The following ROBO2 variants were observed in gnomAD, a reference collection of about 807,000 sequenced individuals.
ROBO2 encodes the protein roundabout guidance receptor 2.
In ROBO2, 53 loss-of-function variants were observed where a neutral mutation model predicts 160.8. The ratio of observed to expected loss-of-function variants is 0.33; its 90% CI spans 0.26 to 0.41. ROBO2 has a LOEUF of 0.41. Ranked by LOEUF, ROBO2 falls within the 10% of genes least tolerant of loss-of-function variation. The probability of loss-of-function intolerance (pLI) is 1.00; values close to 1 mark genes in which losing one functional copy is unlikely to be tolerated. For missense variants in ROBO2, 1,577 were observed against 1,722.4 expected (o/e 0.92, Z 1.49); for synonymous variants, 664 against 611.7 (o/e 1.09, Z -1.26).
intron 1 of ROBO2, among the ~76,000 whole-genome samples, chr3:77,096,446 C>CTTTTTCTTTTT: frequency 6.8e-6 from 1 of 147,770 alleles, no homozygotes; most frequent in Non-Finnish European, 1.5e-5. Flanking sequence ...CTTTTCTTTT[C>CTTTTTCTTTTT]TTTTTCTTTT....
At chr3:76,877,634 T>C (rs910356316) in intron 2 of ROBO2, among the ~76,000 whole-genome samples, 14 of 152,226 alleles carry the variant, frequency 9.2e-5, no homozygotes, top group African/African-American at 3.4e-4. Context: ...AGATAGTCTA[T>C]ACATATAACC....
chr3:76,273,040 T>C (rs1707670326), intron 2 of ROBO2, among the ~76,000 whole-genome samples: 1 of 100,456 alleles, frequency 1.0e-5, no homozygotes, highest in East Asian at 2.6e-4. Flanking sequence ...ATTTATAAAA[T>C]ATATATTATA....
chr3:76,306,732 C>T (rs1670043820), intron 2 of ROBO2, among the ~76,000 whole-genome samples: 1 of 152,072 alleles, frequency 6.6e-6, no homozygotes, highest in African/African-American at 2.4e-5. Flanking sequence ...TCTTAAAATA[C>T]CTAGCATTTT....
At position 77,200,076 on chromosome 3, in the gene ROBO2, A is replaced by T. The variant is rs201027810; in HGVS notation, c.388+101736A>T. Among the ~76,000 whole-genome samples the T allele has an allele frequency of 1.7e-4, 26 of 150,838 alleles. No individual in the cohort carries two copies. In the East Asian group the frequency reaches 2.8e-3, roughly 16 times the overall value. ...AAATTTAAAAATTATACACTTTTAG[A>T]TGTATAAGTATGTATAAAAACGACA... On this transcript the variant is annotated intron_variant, in intron 2 of 25. Transcript: ENST00000461745.
chr3:77,180,412 C>CTATA (rs1389265662), intron 2 of ROBO2, among the ~76,000 whole-genome samples: 78 of 93,782 alleles, frequency 8.3e-4, no homozygotes, highest in African/African-American at 2.6e-3. Context: ...CTCTCTCTCT[C>CTATA]TCTCTATATA....
intron 2 of ROBO2, among the ~76,000 whole-genome samples, chr3:77,015,490 A>G (rs1002499582): frequency 6.6e-6 from 1 of 152,202 alleles, no homozygotes; most frequent in Non-Finnish European, 1.5e-5. Context: ...TATTTAACCT[A>G]TAACCATCCA....
intron 2 of ROBO2, among the ~76,000 whole-genome samples, chr3:77,117,113 C>A (rs2150231023): frequency 6.6e-6 from 1 of 152,308 alleles, no homozygotes; most frequent in African/African-American, 2.4e-5. Flanking sequence ...GGAATAAGAA[C>A]TGACTTGCAC....
intron 2 of ROBO2, among the ~76,000 whole-genome samples, chr3:76,257,038 C>A (rs1417385983): frequency 4.0e-5 from 6 of 151,892 alleles, no homozygotes; most frequent in Non-Finnish European, 8.8e-5. Context: ...CGACCCAAGC[C>A]CCTCGGCCCA....
At chr3:76,174,206 G>C (rs1209499643) in intron 2 of ROBO2, among the ~76,000 whole-genome samples, 1 of 151,964 alleles carries the variant, frequency 6.6e-6, no homozygotes, top group East Asian at 1.9e-4. Flanking sequence ...TTTTTGATGG[G>C]GTTGTTTGCT....
rs563715700 is a variant in ROBO2 at position 76,407,353 on chromosome 3, T to C, written c.109+469751T>C. Among the ~76,000 whole-genome samples the C allele has an allele frequency of 5.9e-5, 9 of 152,138 alleles. No homozygotes were observed. The South Asian group carries it at 1.9e-3, about 31-fold the overall frequency. On this transcript the variant is annotated intron_variant, in intron 2 of 26. Transcript: ENST00000487694. ...TACATATTGTTTAGGTGTTTGTTTT[T>C]AAAATATACCTTTTATTTGCTCATT...
At chr3:77,602,987 G>A (rs1415619478) in intron 20 of ROBO2, 6 of 456,564 alleles carry the variant, frequency 1.3e-5, no homozygotes, top group Non-Finnish European at 2.6e-5. Context: ...CTAATAGAAT[G>A]CCACACAACC....
At chr3:77,371,183 G>A (rs2071698785) in intron 2 of ROBO2, among the ~76,000 whole-genome samples, 1 of 152,154 alleles carries the variant, frequency 6.6e-6, no homozygotes, top group Non-Finnish European at 1.5e-5. Context: ...CAGGGATCAA[G>A]GTTGGTGATT....
chr3:76,387,846 C>T (rs1236271117), intron 2 of ROBO2, among the ~76,000 whole-genome samples: 3 of 152,030 alleles, frequency 2.0e-5, no homozygotes, highest in African/African-American at 7.3e-5. Flanking sequence ...AAAAATATAG[C>T]CAAATCTTTA....
intron 2 of ROBO2, among the ~76,000 whole-genome samples, chr3:76,427,744 C>T (rs572787736): frequency 1.6e-4 from 25 of 152,190 alleles, no homozygotes; most frequent in Admixed American, 5.9e-4. Context: ...TTAATGATTA[C>T]GGTTATATTT....
intron 1 of ROBO2, among the ~76,000 whole-genome samples, chr3:77,077,346 G>A (rs371505756): frequency 1.1e-4 from 16 of 152,302 alleles, no homozygotes; most frequent in Middle Eastern, 3.4e-3. Flanking sequence ...ATCATTGAAA[G>A]TGAATTAAAC....
intron 2 of ROBO2, among the ~76,000 whole-genome samples, chr3:76,443,371 T>C (rs1300830923): frequency 3.3e-5 from 5 of 152,086 alleles, no homozygotes; most frequent in Non-Finnish European, 5.9e-5. Flanking sequence ...AATACAGGAT[T>C]TGGTACCATC....
At chr3:77,503,386 G>C (rs1004841809) in intron 5 of ROBO2, among the ~76,000 whole-genome samples, 2 of 151,136 alleles carry the variant, frequency 1.3e-5, no homozygotes, top group South Asian at 2.1e-4. Flanking sequence ...TTAGCCAGGC[G>C]TGGTGGCGGC....
At chr3:76,034,373 A>G (rs2067030758) in intron 2 of ROBO2, among the ~76,000 whole-genome samples, 1 of 152,192 alleles carries the variant, frequency 6.6e-6, no homozygotes, top group African/African-American at 2.4e-5. Context: ...GAAGGACTAA[A>G]TGCATCTATT....
chr3:76,328,373 G>T (rs1170306142), intron 2 of ROBO2, among the ~76,000 whole-genome samples: 2 of 152,164 alleles, frequency 1.3e-5, no homozygotes, highest in African/African-American at 2.4e-5. Context: ...TCAACGTTAG[G>T]TACTAGCAAA....
Sources: allele counts gnomAD v4.1 joint callset (sites outside exome capture counted in the v4.1 genomes callset), GRCh38; gene constraint gnomAD v4.1.1; transcripts MANE v1.5; gene names NCBI Gene and HGNC (gene_info 2026-07-23, HGNC 2026-07-21).